The following ARVCF variants were observed in gnomAD, a reference collection of about 807,000 sequenced individuals.
ARVCF encodes ARVCF delta catenin family member, also known as splicing regulator ARVCF.
In ARVCF, 66 loss-of-function variants were observed where a neutral mutation model predicts 90.9. The observed-to-expected ratio is 0.73, with a 90% confidence interval of 0.60 to 0.89. The LOEUF (loss-of-function observed/expected upper bound fraction) is 0.89, where lower values mean the gene tolerates loss of function less well. Ranked by LOEUF, ARVCF falls within the 40% of genes least tolerant of loss-of-function variation. The pLI, the probability that ARVCF is intolerant of heterozygous loss-of-function variation, is 0.00. For missense variants in ARVCF, 1,469 were observed against 1,382.3 expected (o/e 1.06, Z -1.00); for synonymous variants, 653 against 603.4 (o/e 1.08, Z -1.21).
chr22:20,007,809 T>C (rs1179553731), intron 2 of ARVCF, among the ~76,000 whole-genome samples: 2 of 152,216 alleles, frequency 1.3e-5, no homozygotes, highest in African/African-American at 4.8e-5. Context: ...ATCTCCAAAA[T>C]TGTTAGAAAT....
intron 1 of ARVCF, among the ~76,000 whole-genome samples, chr22:20,013,360 T>C (rs1944905725): frequency 6.6e-6 from 1 of 152,244 alleles, no homozygotes; most frequent in Non-Finnish European, 1.5e-5. Context: ...TCACTGTCCC[T>C]GCTGAGCCTG....
chr22:19,978,917 C>CT lies in ARVCF; in HGVS notation c.1559dup (p.Asn521GlufsTer15). The CT allele has an allele frequency of 6.2e-7, 1 of 1,612,474 alleles. No homozygotes were observed. The highest frequency in any genetic ancestry group is 8.5e-7 in the Non-Finnish European group (1 of 1,179,396). On this transcript the variant is annotated frameshift_variant, in exon 7 of 20. Transcript: ENST00000263207. LOFTEE classifies it high-confidence loss of function. The stretch of plus-strand genomic sequence containing the variant: ...CACACCTCAGGCAGCCCGACGTGTT[C>CT]TTGAAGACAGTTGTCCACTCGGCGT...
At position 19,980,084 on chromosome 22, in the gene ARVCF, T is replaced by A; in HGVS notation, c.1055A>T (p.Glu352Val). The A allele has an allele frequency of 1.9e-6, 3 of 1,583,642 alleles. No homozygotes were observed. Among genetic ancestry groups the A allele is most frequent in the Non-Finnish European group, 2.6e-6 (3 of 1,166,252 alleles). Residue 352 changes from glutamate to valine, a missense_variant, in exon 6 of 20, where the codon GAG becomes GTG. By Grantham distance (121) the Glu-to-Val change is moderately radical. Coordinates refer to ENST00000263207, the MANE Select transcript of ARVCF (RefSeq NM_001670.3). ...CAGCTCAGGGTCCCGCCAGCGCGGCTCCTTGCGGGCGCTATCCACTGAGGG... is the reference window on the plus strand; with the variant it reads ...CAGCTCAGGGTCCCGCCAGCGCGGCACCTTGCGGGCGCTATCCACTGAGGG... The part of the protein sequence containing the change: ...RSPSVDSARK[E>V]PRWRDPELPE...
chr22:19,987,175 C>G (rs911709964), intron 3 of ARVCF: 4 of 431,546 alleles, frequency 9.3e-6, no homozygotes, highest in African/African-American at 8.3e-5. Flanking sequence ...CTCGGCCGCT[C>G]GGGCTCAGGC....
chr22:19,992,313 A>G (rs962156708), intron 2 of ARVCF, among the ~76,000 whole-genome samples: 7 of 152,204 alleles, frequency 4.6e-5, no homozygotes, highest in African/African-American at 1.7e-4. Context: ...TAAGCCAGCC[A>G]CAGAATGGAA....
At chr22:19,972,288 C>G in intron 17 of ARVCF, 70 bp downstream of exon 17, 1 of 1,601,906 alleles carries the variant, frequency 6.2e-7, no homozygotes, top group Admixed American at 1.7e-5. Flanking sequence ...CCCCATAAAA[C>G]CAGCAGGCCC....
rs1942859374 is a variant in ARVCF at position 19,972,343 on chromosome 22, T to C, written c.2695+15A>G. ...TCCCGGCACAGAAAACCAACCACAC[T>C]GCATCTGCACTCACCTGGGCCCAGC... On this transcript the variant is annotated intron_variant, in intron 17 of 19. Coordinates refer to ENST00000263207, the MANE Select transcript of ARVCF (RefSeq NM_001670.3). 1.2e-6 allele frequency: 2 copies of C among 1,613,670 alleles called. No individual in the cohort carries two copies. Among genetic ancestry groups the C allele is most frequent in the East Asian group, 2.2e-5 (1 of 44,876 alleles).
intron 16 of ARVCF, 55 bp from the exon 17 acceptor site, chr22:19,972,466 C>T (rs1341563723): frequency 5.6e-6 from 9 of 1,605,640 alleles, no homozygotes; most frequent in Non-Finnish European, 7.7e-6. Context: ...GGGATCGGGG[C>T]AGAGAAGCCC....
intron 2 of ARVCF, among the ~76,000 whole-genome samples, chr22:19,993,509 G>A (rs899733165): frequency 6.6e-6 from 1 of 152,204 alleles, no homozygotes; most frequent in African/African-American, 2.4e-5. Context: ...GGGAAGGCTA[G>A]GAAGGGGGAC....
chr22:19,982,265 A>G (rs1943545856), intron 3 of ARVCF, among the ~76,000 whole-genome samples, 174 bp from the exon 4 acceptor site: 1 of 152,190 alleles, frequency 6.6e-6, no homozygotes, highest in Non-Finnish European at 1.5e-5. Flanking sequence ...GCTGACAAGG[A>G]CAGCAATAAG....
chr22:20,012,570 C>T (rs941651902), intron 1 of ARVCF, among the ~76,000 whole-genome samples: 6 of 152,252 alleles, frequency 3.9e-5, no homozygotes, highest in African/African-American at 1.4e-4. Flanking sequence ...CAGTACCAGC[C>T]GCCTCAAAGC....
chr22:20,009,715 G>T (rs1391780197), intron 2 of ARVCF, among the ~76,000 whole-genome samples: 1 of 152,224 alleles, frequency 6.6e-6, no homozygotes, highest in Non-Finnish European at 1.5e-5. Flanking sequence ...GGGGGACATG[G>T]ACCACTCAGC....
At chr22:20,005,742 G>A (rs1242293755) in intron 2 of ARVCF, among the ~76,000 whole-genome samples, 1 of 151,050 alleles carries the variant, frequency 6.6e-6, no homozygotes, top group Non-Finnish European at 1.5e-5. Flanking sequence ...CTTGCAGTGA[G>A]CCAAGATCGT....
At chr22:20,001,718 G>A (rs1944452153) in intron 2 of ARVCF, among the ~76,000 whole-genome samples, 1 of 152,192 alleles carries the variant, frequency 6.6e-6, no homozygotes, top group Non-Finnish European at 1.5e-5. Context: ...GGCTGAGGCA[G>A]GAGGCAGAGG....
chr22:19,977,034 TG>T (rs34531278), intron 9 of ARVCF, among the ~76,000 whole-genome samples: 112,791 of 152,118 alleles, frequency 0.74, 43,875 homozygotes, highest in Non-Finnish European at 0.88. Context: ...CCCAGGCAGA[TG>T]GGGGGCTGCC....
chr22:19,968,907 G>A, downstream of ARVCF: 1 of 630,796 alleles, frequency 1.6e-6, no homozygotes, highest in Non-Finnish European at 2.8e-6. Context: ...ACACTGGATT[G>A]TTCTTTTTTA....
At chr22:19,999,710 G>C (rs1418111625) in intron 2 of ARVCF, among the ~76,000 whole-genome samples, 1 of 152,204 alleles carries the variant, frequency 6.6e-6, no homozygotes, top group Non-Finnish European at 1.5e-5. Context: ...CTGGGTGGCT[G>C]GAGGGAGGGG....
chr22:19,971,160 A>C, intron 19 of ARVCF, 56 bp downstream of exon 19: 1 of 1,550,666 alleles, frequency 6.4e-7, no homozygotes, highest in African/African-American at 1.4e-5. Flanking sequence ...ACTAACAAGA[A>C]GCCCTGGCCC....
chr22:19,974,211 C>T lies in ARVCF; in HGVS notation c.1989G>A (p.Val663=). 1 of 1,612,212 alleles carries T rather than the reference C, an allele frequency of 6.2e-7. No individual in the cohort carries two copies. The highest frequency in any genetic ancestry group is 8.5e-7 in the Non-Finnish European group (1 of 1,179,498). The change falls in exon 12 of 20, where the codon GTG becomes GTA. Residue 663 remains valine, a synonymous_variant. Coordinates refer to ENST00000263207, the MANE Select transcript of ARVCF (RefSeq NM_001670.3). ...KGFELLYQPE[V]VRLYLSLLTE... ...TGAGGAGGGAGAGGTAGAGACGTAC[C>T]ACCTCGGGCTGGTACAGCAGCTCAA...
Sources: gnomAD v4.1 joint callset for allele counts (sites outside exome capture counted in the v4.1 genomes callset) on GRCh38, gnomAD v4.1.1 for gene constraint, MANE v1.5 for transcripts, NCBI Gene and HGNC (gene_info 2026-07-23, HGNC 2026-07-21) for gene names.